The following HYDIN variants were observed in gnomAD, a reference collection of about 807,000 sequenced individuals.
HYDIN encodes HYDIN axonemal central pair apparatus protein.
Under a neutral mutation model 403.9 loss-of-function variants are expected in HYDIN, and 132 were observed. The ratio of observed to expected loss-of-function variants is 0.33; its 90% confidence interval spans 0.28 to 0.38. The LOEUF (loss-of-function observed/expected upper bound fraction) is 0.38, where lower values mean the gene tolerates loss of function less well. Ranked by LOEUF, HYDIN falls within the 10% of genes least tolerant of loss-of-function variation. The pLI, the probability that HYDIN is intolerant of heterozygous loss-of-function variation, is 1.00. For missense variants in HYDIN, 2,827 were observed against 5,009.5 expected (o/e 0.56, Z 13.15); for synonymous variants, 1,202 against 1,891.7 (o/e 0.64, Z 9.46).
intron 18 of HYDIN, among the ~76,000 whole-genome samples, chr16:71,043,662 ATTTTG>A (rs2081357864): frequency 1.3e-5 from 2 of 151,228 alleles, no homozygotes; most frequent in African/African-American, 4.9e-5. Flanking sequence ...TTTAATTGTC[ATTTTG>A]TTTTATTTTA....
At chr16:70,841,508 T>C (rs2037819342) in intron 75 of HYDIN, among the ~76,000 whole-genome samples, 1 of 151,864 alleles carries the variant, frequency 6.6e-6, no homozygotes, top group African/African-American at 2.4e-5. Context: ...GCACCTTGGA[T>C]TTTTTCATGG....
At chr16:71,103,039 T>C (rs538249642) in intron 10 of HYDIN, among the ~76,000 whole-genome samples, 176 of 147,646 alleles carry the variant, frequency 1.2e-3, no homozygotes, top group Middle Eastern at 6.9e-3. Context: ...TGAGTTGTTA[T>C]ATAGGTGTTT....
rs146874182 is a variant in HYDIN at position 70,973,010 on chromosome 16, A to T, written c.5379+333T>A. Among the ~76,000 whole-genome samples, 184 of 152,358 alleles carry T rather than the reference A, an allele frequency of 1.2e-3. 1 individual carries two copies. The highest frequency in any genetic ancestry group is 4.2e-3 in the African/African-American group (174 of 41,590). The stretch of plus-strand genomic sequence containing the variant: ...CAGAATTTCAATAAGGACTTCTGAT[A>T]TGCAACATGACTATTTTTTCTTTTA... On this transcript the variant is annotated intron_variant, in intron 35 of 85. Coordinates refer to ENST00000393567, the MANE Select transcript of HYDIN (RefSeq NM_001270974.2).
At chr16:71,163,307 A>G (rs986316699) in intron 5 of HYDIN, among the ~76,000 whole-genome samples, 1 of 152,004 alleles carries the variant, frequency 6.6e-6, no homozygotes, top group South Asian at 2.1e-4. Flanking sequence ...TATTTTTAGT[A>G]GAGACGGGGT....
rs1452319641 is a variant in HYDIN at position 71,029,591 on chromosome 16, CTGG to C, written c.2769-1719_2769-1717del. Among the ~76,000 whole-genome samples, 16 of 116,340 alleles carry C rather than the reference CTGG, an allele frequency of 1.4e-4. No individual in the cohort carries two copies. The Admixed American group carries it at 1.5e-3, about 11-fold the overall frequency. 76.3% of individuals were successfully genotyped at this position (116,340 alleles called of 152,430 possible). A position where few individuals can be genotyped will look rare whatever the true frequency, so the allele number is the denominator to read the frequency against. On this transcript the variant is annotated intron_variant, in intron 19 of 85. Transcript: ENST00000393567. ...GAAAAGAAATTTGAAACTAGAAGCACTGGTATGCAATGACAAACTACCCTCGCT... is the reference window on the plus strand; with the variant it reads ...GAAAAGAAATTTGAAACTAGAAGCACTATGCAATGACAAACTACCCTCGCT...
Position 70,834,134 on chromosome 16 carries a change from T to C in HYDIN, c.13432A>G (p.Thr4478Ala). 6.2e-7 allele frequency: 1 copy of C among 1,613,648 alleles called. No homozygotes were observed. Among genetic ancestry groups the C allele is most frequent in the African/African-American group, 1.3e-5 (1 of 74,910 alleles). Residue 4478 changes from threonine to alanine, a missense_variant, in exon 79 of 86, where the codon ACA becomes GCA. Transcript: ENST00000393567. ...VLTLAPFHNI[T>A]LKPKEVCKLE... Reference sequence around the variant, plus strand: ...TTACAGACTTCTTTGGGCTTCAGTGTGATGTTGTGGAAGGGCGCCAGGGTA... The same window carrying C: ...TTACAGACTTCTTTGGGCTTCAGTGCGATGTTGTGGAAGGGCGCCAGGGTA...
intron 1 of HYDIN, among the ~76,000 whole-genome samples, chr16:71,217,064 A>C (rs1056828340): frequency 1.3e-5 from 2 of 152,236 alleles, no homozygotes; most frequent in Non-Finnish European, 2.9e-5. Flanking sequence ...AGGTTCCTGT[A>C]AGTCTCCAGT....
At chr16:70,824,503 T>G (rs1335721829) in intron 83 of HYDIN, among the ~76,000 whole-genome samples, 2 of 151,688 alleles carry the variant, frequency 1.3e-5, no homozygotes, top group South Asian at 4.2e-4. Context: ...ATTTGCTTAT[T>G]ATATCCTTGT....
intron 25 of HYDIN, among the ~76,000 whole-genome samples, chr16:70,990,750 T>A (rs2079323565): frequency 6.6e-6 from 1 of 152,206 alleles, no homozygotes; most frequent in South Asian, 2.1e-4. Context: ...GAGGTGTATC[T>A]GGAGGATAAT....
intron 45 of HYDIN, among the ~76,000 whole-genome samples, chr16:70,926,347 A>T (rs1462457352): frequency 6.6e-6 from 1 of 152,040 alleles, no homozygotes; most frequent in East Asian, 1.9e-4. Flanking sequence ...CATTCTCAGT[A>T]AACTATTGCA....
At chr16:70,971,647 G>A (rs961567113) in intron 35 of HYDIN, among the ~76,000 whole-genome samples, 5 of 151,740 alleles carry the variant, frequency 3.3e-5, no homozygotes, top group African/African-American at 1.2e-4. Context: ...GCTTGAAGGG[G>A]AAAAAGCAAA....
intron 36 of HYDIN, among the ~76,000 whole-genome samples, chr16:70,969,029 GA>G (rs2078664304): frequency 6.6e-6 from 1 of 152,054 alleles, no homozygotes; most frequent in African/African-American, 2.4e-5. Flanking sequence ...TGGGCAGAAT[GA>G]AATGGATGGA....
chr16:70,903,209 A>G (rs1280451855), intron 52 of HYDIN, among the ~76,000 whole-genome samples: 3 of 119,808 alleles, frequency 2.5e-5, no homozygotes, highest in Non-Finnish European at 1.8e-5. Flanking sequence ...AATAATACCA[A>G]TTCCAATAAT....
intron 28 of HYDIN, 143 bp from the exon 29 acceptor site, chr16:70,981,711 T>C (rs1454455106): frequency 2.4e-6 from 3 of 1,260,694 alleles, no homozygotes; most frequent in Non-Finnish European, 1.0e-6. Flanking sequence ...ATGAAATGAG[T>C]GCAAAGAAAC....
chr16:71,004,262 C>T (rs1289119938), intron 23 of HYDIN, among the ~76,000 whole-genome samples: 3 of 149,692 alleles, frequency 2.0e-5, no homozygotes, highest in Non-Finnish European at 3.0e-5. Context: ...TGTAGTGAGC[C>T]GAGATCATGC....
intron 77 of HYDIN, among the ~76,000 whole-genome samples, chr16:70,837,029 A>C (rs1230930332): frequency 6.6e-6 from 1 of 152,246 alleles, no homozygotes; most frequent in African/African-American, 2.4e-5. Context: ...GCATTCCTGA[A>C]AGTCTTGGAA....
At chr16:71,213,293 T>C (rs567781079) in intron 1 of HYDIN, among the ~76,000 whole-genome samples, 21 of 152,200 alleles carry the variant, frequency 1.4e-4, no homozygotes, top group African/African-American at 4.8e-4. Context: ...TGAACATGAG[T>C]GCTGTCATGA....
At chr16:70,984,879 G>C (rs1774524) in intron 28 of HYDIN, among the ~76,000 whole-genome samples, 1 of 144,228 alleles carries the variant, frequency 6.9e-6, no homozygotes, top group Non-Finnish European at 1.5e-5. Flanking sequence ...GAATTACAAG[G>C]GCAGCGTGAA....
chr16:71,214,984 A>G (rs1434693754), intron 1 of HYDIN, among the ~76,000 whole-genome samples: 3 of 152,192 alleles, frequency 2.0e-5, no homozygotes, highest in Admixed American at 2.0e-4. Flanking sequence ...AGACATCAAC[A>G]CTTATTATAA....
Sources: gnomAD v4.1 joint callset for allele counts (sites outside exome capture counted in the v4.1 genomes callset) on GRCh38, gnomAD v4.1.1 for gene constraint, MANE v1.5 for transcripts, NCBI Gene and HGNC (gene_info 2026-07-23, HGNC 2026-07-21) for gene names.